The following NEBL variants were observed in gnomAD, a reference collection of about 807,000 sequenced individuals.
The protein encoded by NEBL is nebulette.
In NEBL, 122 loss-of-function variants were observed where a neutral mutation model predicts 140.2. The ratio of observed to expected loss-of-function variants is 0.87; its 90% confidence interval spans 0.75 to 1.01. NEBL has a LOEUF of 1.01. NEBL is among the 50% of genes least tolerant of loss of function. The probability of loss-of-function intolerance (pLI) is 0.00; values close to 1 mark genes in which losing one functional copy is unlikely to be tolerated. For missense variants in NEBL, 1,365 were observed against 1,231.3 expected, an observed-to-expected ratio of 1.11 and a Z score of -1.62; for synonymous variants, 436 against 398.9, an observed-to-expected ratio of 1.09 and a Z score of -1.11.
intron 1 of NEBL, among the ~76,000 whole-genome samples, chr10:21,263,302 G>A (rs1842762157): frequency 1.3e-5 from 2 of 152,102 alleles, no homozygotes; most frequent in South Asian, 2.1e-4. Flanking sequence ...TTATTAAGAA[G>A]AGCCAGCAAA....
chr10:20,978,224 G>A (rs575488350), intron 3 of NEBL, among the ~76,000 whole-genome samples: 1 of 152,174 alleles, frequency 6.6e-6, no homozygotes, highest in East Asian at 1.9e-4. Flanking sequence ...CACTTCCCTG[G>A]TCTGAGACCT....
chr10:21,214,487 G>C (rs143005366), intron 3 of NEBL, among the ~76,000 whole-genome samples: 1 of 149,722 alleles, frequency 6.7e-6, no homozygotes, highest in Non-Finnish European at 1.5e-5. Context: ...ACACACACGC[G>C]CACATTACAC....
At chr10:21,088,804 TAAG>T (rs1836770469) in intron 2 of NEBL, among the ~76,000 whole-genome samples, 1 of 152,190 alleles carries the variant, frequency 6.6e-6, no homozygotes. Flanking sequence ...GCAACTAAGA[TAAG>T]AAGTATCTGC....
At chr10:21,020,872 C>T (rs1004282727) in intron 2 of NEBL, among the ~76,000 whole-genome samples, 5 of 152,128 alleles carry the variant, frequency 3.3e-5, no homozygotes, top group Non-Finnish European at 7.4e-5. Flanking sequence ...CAGTCTACAC[C>T]ATCACCTGGG....
intron 2 of NEBL, among the ~76,000 whole-genome samples, chr10:21,033,006 T>C (rs1160978505): frequency 6.6e-6 from 1 of 152,004 alleles, no homozygotes; most frequent in East Asian, 1.9e-4. Context: ...AGGTGAGAAA[T>C]TAATACACAC....
intron 3 of NEBL, among the ~76,000 whole-genome samples, chr10:21,232,006 T>C (rs1417503288): frequency 6.6e-6 from 1 of 152,110 alleles, no homozygotes; most frequent in East Asian, 1.9e-4. Flanking sequence ...AACCAAAAAA[T>C]GCTCTTCATG....
intron 2 of NEBL, among the ~76,000 whole-genome samples, chr10:21,132,139 T>C (rs1839141404): frequency 6.6e-6 from 1 of 152,276 alleles, no homozygotes; most frequent in East Asian, 1.9e-4. Flanking sequence ...CACTCCCCAT[T>C]ATCCCTATTC....
At chr10:21,213,984 CA>C (rs933019626) in intron 3 of NEBL, among the ~76,000 whole-genome samples, 1 of 152,076 alleles carries the variant, frequency 6.6e-6, no homozygotes, top group African/African-American at 2.4e-5. Context: ...AGGGAGTTGT[CA>C]CAGACAATAG....
intron 13 of NEBL, among the ~76,000 whole-genome samples, chr10:20,839,450 A>G (rs978606668): frequency 3.3e-5 from 5 of 152,046 alleles, no homozygotes; most frequent in Non-Finnish European, 5.9e-5. Context: ...TCTGGCAAAA[A>G]GCTCCATGAT....
At chr10:20,908,573 G>A (rs1848196762) in intron 4 of NEBL, among the ~76,000 whole-genome samples, 1 of 152,182 alleles carries the variant, frequency 6.6e-6, no homozygotes, top group Non-Finnish European at 1.5e-5. Flanking sequence ...GCACATTTAT[G>A]AGCAGTAGTG....
chr10:20,782,934 T>C lies in NEBL; in HGVS notation c.*2813A>G, dbSNP rs932624287. 1 of 152,654 alleles carries C rather than the reference T, an allele frequency of 6.6e-6. No homozygotes were observed. The highest frequency in any genetic ancestry group is 1.5e-5 in the Non-Finnish European group (1 of 68,044). The allele number at this position is 152,654 out of a possible 1,614,324, so 9.5% of individuals were successfully genotyped here. On this transcript the variant is annotated 3_prime_UTR_variant, in exon 28 of 28. Coordinates refer to ENST00000377122, the MANE Select transcript of NEBL (RefSeq NM_006393.3). ...AAGAGAGAGAGGATCCCTATACAGC[T>C]TTGTTTTCAGAACCTTTTAAAAGTG...
chr10:21,286,595 G>A (rs1312373416), intron 1 of NEBL, among the ~76,000 whole-genome samples: 1 of 152,218 alleles, frequency 6.6e-6, no homozygotes, highest in Non-Finnish European at 1.5e-5. Flanking sequence ...CACTTTGGGA[G>A]GCCAAGGCGG....
chr10:21,146,926 C>T (rs1288619899), intron 2 of NEBL, among the ~76,000 whole-genome samples: 2 of 152,082 alleles, frequency 1.3e-5, no homozygotes, highest in African/African-American at 4.8e-5. Flanking sequence ...TTAGTCAATG[C>T]AGAATTCTGC....
upstream of NEBL, among the ~76,000 whole-genome samples, chr10:20,901,106 T>C (rs1360364871): frequency 1.3e-5 from 2 of 152,064 alleles, no homozygotes; most frequent in Admixed American, 6.5e-5. Flanking sequence ...AGGTACACAG[T>C]GATGTGAAAA....
At chr10:20,896,761 C>G (rs549916252) in intron 2 of NEBL, among the ~76,000 whole-genome samples, 197 bp downstream of exon 2, 6 of 152,044 alleles carry the variant, frequency 3.9e-5, no homozygotes, top group Non-Finnish European at 8.8e-5. Flanking sequence ...AATGAGGAGA[C>G]TTGCTCTAGC....
chr10:20,963,607 A>T (rs907778581), intron 3 of NEBL, among the ~76,000 whole-genome samples: 1 of 151,954 alleles, frequency 6.6e-6, no homozygotes, highest in African/African-American at 2.4e-5. Flanking sequence ...GTTACCTAGG[A>T]TGGTCTTGAA....
chr10:21,023,518 A>G (rs1838884546), intron 2 of NEBL, among the ~76,000 whole-genome samples: 1 of 151,916 alleles, frequency 6.6e-6, no homozygotes, highest in Admixed American at 6.6e-5. Flanking sequence ...ACATGGTGAA[A>G]CCCAGTCTCT....
intron 1 of NEBL, among the ~76,000 whole-genome samples, chr10:21,283,597 A>T (rs905684033): frequency 1.3e-5 from 2 of 152,166 alleles, no homozygotes; most frequent in African/African-American, 4.8e-5. Context: ...TAGAAAGGTT[A>T]TAGAGTACAT....
intron 1 of NEBL, among the ~76,000 whole-genome samples, chr10:21,270,975 A>C (rs569649561): frequency 6.6e-6 from 1 of 152,320 alleles, no homozygotes; most frequent in African/African-American, 2.4e-5. Flanking sequence ...GTTCCTCAAA[A>C]GACTGAAAAT....
Sources: allele counts gnomAD v4.1 joint callset (sites outside exome capture counted in the v4.1 genomes callset), GRCh38; gene constraint gnomAD v4.1.1; transcripts MANE v1.5; gene names NCBI Gene and HGNC (gene_info 2026-07-23, HGNC 2026-07-21).